The following PLCL1 variants were observed in gnomAD, a reference collection of about 807,000 sequenced individuals.
PLCL1 encodes the protein inactive phospholipase C-like protein 1.
PLCL1 carries 41 observed loss-of-function variants against 84.4 expected under a neutral mutation model. The observed-to-expected ratio is 0.49, with a 90% CI of 0.38 to 0.63. The LOEUF is 0.63. PLCL1 is among the 30% of genes least tolerant of loss of function. The probability of loss-of-function intolerance (pLI) is 0.00; values close to 1 mark genes in which losing one functional copy is unlikely to be tolerated. For missense variants in PLCL1, 1,206 were observed against 1,367.8 expected (o/e 0.88, Z 1.87); for synonymous variants, 490 against 488.3 (o/e 1.00, Z -0.05).
intron 5 of PLCL1, among the ~76,000 whole-genome samples, chr2:198,114,789 C>A (rs561139073): frequency 2.5e-5 from 2 of 79,564 alleles, no homozygotes; most frequent in African/African-American, 7.8e-5. Context: ...GAGTTCACTT[C>A]TCTGAATGTG....
chr2:198,030,613 T>C (rs1022458148), intron 1 of PLCL1, among the ~76,000 whole-genome samples: 2 of 152,188 alleles, frequency 1.3e-5, no homozygotes, highest in Non-Finnish European at 2.9e-5. Context: ...TGGCACTCAC[T>C]ATGTGCCTGA....
intron 5 of PLCL1, among the ~76,000 whole-genome samples, chr2:198,144,722 C>T (rs759358615): frequency 2.0e-5 from 3 of 152,110 alleles, no homozygotes; most frequent in Non-Finnish European, 2.9e-5. Context: ...CTTGCTCTGC[C>T]CTGTCTTCCT....
At chr2:198,106,111 C>T (rs1693468292) in intron 5 of PLCL1, among the ~76,000 whole-genome samples, 1 of 151,902 alleles carries the variant, frequency 6.6e-6, no homozygotes. Flanking sequence ...TTATTAATCT[C>T]ATTTTACAGG....
chr2:197,878,538 A>G (rs1403261473), intron 1 of PLCL1, among the ~76,000 whole-genome samples: 2 of 152,150 alleles, frequency 1.3e-5, no homozygotes, highest in South Asian at 4.1e-4. Flanking sequence ...ATGGATTTCC[A>G]TTTTCTAGGA....
intron 1 of PLCL1, among the ~76,000 whole-genome samples, chr2:197,844,405 T>A (rs1053596219): frequency 6.6e-6 from 1 of 152,150 alleles, no homozygotes; most frequent in Admixed American, 6.6e-5. Context: ...TCCCTCCACA[T>A]AATATTTGTG....
chr2:198,008,816 A>T (rs78121155), intron 1 of PLCL1, among the ~76,000 whole-genome samples: 1 of 151,954 alleles, frequency 6.6e-6, no homozygotes, highest in Non-Finnish European at 1.5e-5. Flanking sequence ...TTACATTCCC[A>T]CCAATAATAC....
chr2:198,145,222 G>GT (rs1042692114), intron 5 of PLCL1, among the ~76,000 whole-genome samples: 1 of 152,114 alleles, frequency 6.6e-6, no homozygotes, highest in Non-Finnish European at 1.5e-5. Context: ...AGAATGTGCA[G>GT]TTTTGTTGAG....
intron 1 of PLCL1, among the ~76,000 whole-genome samples, chr2:198,022,475 G>A (rs1049496199): frequency 3.3e-5 from 5 of 152,182 alleles, no homozygotes; most frequent in Admixed American, 3.3e-4. Flanking sequence ...GTTTGCAGAT[G>A]ACATGATTGT....
rs1004887739 is a variant in PLCL1, at chr2:198,094,107, A to G, written c.2919+5046A>G. Among the ~76,000 whole-genome samples, 9 of 152,078 alleles carry G rather than the reference A, an allele frequency of 5.9e-5. No homozygotes were observed. The East Asian group carries it at 1.7e-3, about 29-fold the overall frequency. On this transcript the variant is annotated intron_variant, in intron 3 of 5. Transcript: ENST00000428675. ...AACGGAGTCTCACTCTGTCGCCCAG[A>G]CTGGAGTACAGTGGCGCGATCTCAG...
chr2:197,855,826 A>G (rs1268310447), intron 1 of PLCL1, among the ~76,000 whole-genome samples: 1 of 152,146 alleles, frequency 6.6e-6, no homozygotes, highest in Non-Finnish European at 1.5e-5. Context: ...TTCAGTGGCT[A>G]AATTGTTAAT....
At chr2:197,958,411 C>T (rs533528512) in intron 1 of PLCL1, among the ~76,000 whole-genome samples, 31 of 151,836 alleles carry the variant, frequency 2.0e-4, no homozygotes, top group African/African-American at 4.3e-4. Flanking sequence ...AGAAAGTTTA[C>T]GAATTTGTGT....
At chr2:197,853,312 A>C (rs1687272806) in intron 1 of PLCL1, among the ~76,000 whole-genome samples, 1 of 152,212 alleles carries the variant, frequency 6.6e-6, no homozygotes, top group Non-Finnish European at 1.5e-5. Context: ...TATTGAGAAT[A>C]ATGCTGATAT....
Position 197,805,224 on chromosome 2 carries a change from T to A in PLCL1, c.125T>A (p.Met42Lys), listed in dbSNP as rs1690446158. Reference sequence around the variant, plus strand: ...GTGACGGCGGCCTCTGGGGGCCGGATGAGGGACCGTCGCAGCGGGGTCGCA... The same window carrying A: ...GTGACGGCGGCCTCTGGGGGCCGGAAGAGGGACCGTCGCAGCGGGGTCGCA... ...DCVTAASGGR[M>K]RDRRSGVALP... Residue 42 changes from methionine to lysine, a missense_variant, in exon 1 of 6, where the codon ATG (methionine) becomes AAG (lysine). Coordinates refer to ENST00000428675, the MANE Select transcript of PLCL1 (RefSeq NM_006226.4). This position sits in a 1 kb window ranked among gnomAD's most constrained non-coding sequence, Gnocchi z 4.0. The A allele has an allele frequency of 7.9e-7, 1 of 1,273,406 alleles. No homozygotes were observed. The allele number at this position is 1,273,406 out of a possible 1,614,324, so 78.9% of individuals were successfully genotyped here. A position where few individuals can be genotyped will look rare whatever the true frequency, so the allele number is the denominator to read the frequency against.
intron 1 of PLCL1, among the ~76,000 whole-genome samples, chr2:197,924,569 A>G (rs1574951714): frequency 6.6e-6 from 1 of 152,044 alleles, no homozygotes; most frequent in Non-Finnish European, 1.5e-5. Flanking sequence ...CAATACTATT[A>G]TTATTGATAC....
chr2:197,890,701 T>TATATATATATACAC lies in PLCL1; in HGVS notation c.240+85363_240+85364insTATATATATACACA, dbSNP rs11270566. On this transcript the variant is annotated intron_variant, in intron 1 of 5. Coordinates refer to ENST00000428675, the MANE Select transcript of PLCL1 (RefSeq NM_006226.4). ...TTTTTGCTATATATATATATATATA[T>TATATATATATACAC]ACACACACACATATACGTATATATG... Among the ~76,000 whole-genome samples the TATATATATATACAC allele has an allele frequency of 2.5e-3, 293 of 118,554 alleles. 1 individual carries two copies. The highest frequency in any genetic ancestry group is 7.2e-3 in the Admixed American group (86 of 11,938). The allele number at this position is 118,554 out of a possible 152,430, so 77.8% of individuals were successfully genotyped here.
At chr2:198,121,532 C>G (rs897105209) in intron 5 of PLCL1, among the ~76,000 whole-genome samples, 1 of 151,992 alleles carries the variant, frequency 6.6e-6, no homozygotes, top group African/African-American at 2.4e-5. Flanking sequence ...TATGGACATC[C>G]AGTTTTCCCA....
At chr2:197,962,283 G>A (rs1689638218) in intron 1 of PLCL1, among the ~76,000 whole-genome samples, 2 of 152,060 alleles carry the variant, frequency 1.3e-5, no homozygotes, top group African/African-American at 4.8e-5. Context: ...GACATTTAAA[G>A]TGGAGTAAAA....
intron 1 of PLCL1, among the ~76,000 whole-genome samples, chr2:197,867,234 G>A (rs551945077): frequency 4.7e-4 from 71 of 152,254 alleles, no homozygotes; most frequent in African/African-American, 1.7e-3. Context: ...ACTGATGTGG[G>A]CGGTGATCTC....
chr2:198,064,842 C>A (rs1030933407), intron 1 of PLCL1, among the ~76,000 whole-genome samples: 1 of 152,174 alleles, frequency 6.6e-6, no homozygotes, highest in Non-Finnish European at 1.5e-5. Context: ...GACAAGAGAG[C>A]ACCCATTTAT....
Sources: gnomAD v4.1 joint callset for allele counts (sites outside exome capture counted in the v4.1 genomes callset) on GRCh38, gnomAD v4.1.1 for gene constraint, Gnocchi (gnomAD v3.1) non-coding constraint, MANE v1.5 for transcripts, NCBI Gene and HGNC (gene_info 2026-07-23, HGNC 2026-07-21) for gene names.